The following MYH10 variants were observed in gnomAD, a reference collection of about 807,000 sequenced individuals.
MYH10 encodes myosin-10.
Under a neutral mutation model 257.8 loss-of-function variants are expected in MYH10, and 55 were observed. The observed-to-expected ratio is 0.21, with a 90% CI of 0.17 to 0.27. The LOEUF is 0.27. Ranked by LOEUF, MYH10 falls within the 10% of genes least tolerant of loss-of-function variation. The probability of loss-of-function intolerance (pLI) is 1.00; values close to 1 mark genes in which losing one functional copy is unlikely to be tolerated. For synonymous variants in MYH10, 854 were observed against 921.7 expected, an observed-to-expected ratio of 0.93 and a Z score of 1.33; for missense variants, 1,631 against 2,500.6, an observed-to-expected ratio of 0.65 and a Z score of 7.42.
At position 8,475,784 on chromosome 17, in the gene MYH10, T is replaced by A. The variant is rs760384598; in HGVS notation, c.*20A>T. 2.4e-5 allele frequency: 39 copies of A among 1,612,312 alleles called. No homozygotes were observed. The South Asian group carries it at 4.2e-4, about 17-fold the overall frequency. On this transcript the variant is annotated 3_prime_UTR_variant, in exon 43 of 43. Transcript: ENST00000360416. ...TTCCTAACTGTCCCACTGTATTGCC[T>A]CCTCTGGCTTCCTGCAACTTTACTC...
chr17:8,522,431 A>G (rs766976714), intron 17 of MYH10, among the ~76,000 whole-genome samples: 2 of 152,222 alleles, frequency 1.3e-5, no homozygotes, highest in Non-Finnish European at 2.9e-5. Flanking sequence ...TTTAATTTCC[A>G]GGCCCATGCA....
intron 34 of MYH10, among the ~76,000 whole-genome samples, chr17:8,491,550 TTTCAAAGCAGATGCAGTA>T (rs1915778963): frequency 6.6e-6 from 1 of 152,208 alleles, no homozygotes; most frequent in Non-Finnish European, 1.5e-5. Context: ...TTTGTGTGCT[TTTCAAAGCAGATGCAGTA>T]ACTTCATGAA....
intron 1 of MYH10, among the ~76,000 whole-genome samples, chr17:8,626,648 C>A: frequency 6.7e-6 from 1 of 149,544 alleles, no homozygotes; most frequent in East Asian, 2.0e-4. Context: ...AGAAAGGAGG[C>A]ATGGCTTCAA....
At chr17:8,568,379 C>A (rs1351370861) in intron 7 of MYH10, among the ~76,000 whole-genome samples, 1 of 152,124 alleles carries the variant, frequency 6.6e-6, no homozygotes, top group Non-Finnish European at 1.5e-5. Context: ...CTTGTGTTTG[C>A]TGGGTCCTCT....
chr17:8,607,657 G>C (rs2084862799), intron 2 of MYH10, among the ~76,000 whole-genome samples: 1 of 152,174 alleles, frequency 6.6e-6, no homozygotes, highest in Non-Finnish European at 1.5e-5. Flanking sequence ...TGGTAGGAAG[G>C]CAATATGTTG....
chr17:8,600,339 T>C (rs1245506404), intron 3 of MYH10, among the ~76,000 whole-genome samples: 1 of 152,082 alleles, frequency 6.6e-6, no homozygotes, highest in African/African-American at 2.4e-5. Context: ...AAACAAGTAA[T>C]GGGCTGGGGA....
intron 30 of MYH10, among the ~76,000 whole-genome samples, chr17:8,496,156 A>G (rs1466526689): frequency 6.6e-6 from 1 of 152,230 alleles, no homozygotes; most frequent in East Asian, 1.9e-4. Flanking sequence ...TCTTTGTGGT[A>G]TAAGATGCTT....
chr17:8,518,474 A>C (rs1018323596), intron 21 of MYH10, among the ~76,000 whole-genome samples, 157 bp downstream of exon 21: 7 of 152,090 alleles, frequency 4.6e-5, no homozygotes, highest in Non-Finnish European at 1.0e-4. Context: ...ATTACTTAGA[A>C]TGTTCATGTA....
At chr17:8,533,808 G>C (rs1284967019) in intron 16 of MYH10, among the ~76,000 whole-genome samples, 1 of 152,146 alleles carries the variant, frequency 6.6e-6, no homozygotes, top group African/African-American at 2.4e-5. Flanking sequence ...TCCTTCTGCT[G>C]TGTTCTAAGA....
At chr17:8,625,019 T>C (rs1201735004) in intron 1 of MYH10, among the ~76,000 whole-genome samples, 1 of 152,106 alleles carries the variant, frequency 6.6e-6, no homozygotes, top group African/African-American at 2.4e-5. Context: ...GAGGCCGAGA[T>C]GGGTGGATCA....
chr17:8,490,169 A>G lies in MYH10; in HGVS notation c.4884+171T>C. 1.6e-6 allele frequency: 1 copy of G among 606,972 alleles called. No individual in the cohort carries two copies. The highest frequency in any genetic ancestry group is 2.9e-6 in the Non-Finnish European group (1 of 349,958). 37.6% of individuals were successfully genotyped at this position (606,972 alleles called of 1,614,324 possible). A position where few individuals can be genotyped will look rare whatever the true frequency, so the allele number is the denominator to read the frequency against. On this transcript the variant is annotated intron_variant, in intron 35 of 42. Transcript: ENST00000360416. This position sits in a 1 kb window ranked among gnomAD's most constrained non-coding sequence, Gnocchi z 4.1. ...AAATAGTAAGACCTAAACTAATTAC[A>G]ATAAAATTTAAATAATAAAATTCTC...
At chr17:8,482,491 C>T (rs1411397018) in intron 37 of MYH10, among the ~76,000 whole-genome samples, 1 of 152,192 alleles carries the variant, frequency 6.6e-6, no homozygotes, top group African/African-American at 2.4e-5. Context: ...GCCACTGACT[C>T]CAGACAGCTC....
At chr17:8,592,918 G>T in intron 3 of MYH10, among the ~76,000 whole-genome samples, 1 of 57,906 alleles carries the variant, frequency 1.7e-5, no homozygotes, top group African/African-American at 5.1e-5. Context: ...CAAAATGTTG[G>T]TAAATCAAAT....
intron 19 of MYH10, among the ~76,000 whole-genome samples, chr17:8,520,514 A>G (rs541300179): frequency 6.6e-6 from 1 of 152,298 alleles, no homozygotes; most frequent in South Asian, 2.1e-4. Flanking sequence ...ATAAATAAAT[A>G]AAAATAAAAA....
At chr17:8,499,585 G>A (rs909314093) in intron 29 of MYH10, 109 bp from the exon 30 acceptor site, 1 of 900,478 alleles carries the variant, frequency 1.1e-6, no homozygotes. Flanking sequence ...TGAGTCTGTA[G>A]TCAACATCTG....
chr17:8,526,337 C>T (rs1022655139), intron 17 of MYH10, among the ~76,000 whole-genome samples: 2 of 152,170 alleles, frequency 1.3e-5, no homozygotes, highest in African/African-American at 2.4e-5. Flanking sequence ...AAATGGGCGG[C>T]GCGCCTCACT....
At position 8,481,200 on chromosome 17, in the gene MYH10, C is replaced by T. The variant is rs554336668; in HGVS notation, c.5264+122G>A. 1.6e-5 allele frequency: 15 copies of T among 943,668 alleles called. No individual in the cohort carries two copies. The East Asian group carries it at 3.7e-4, about 23-fold the overall frequency. 58.5% of individuals were successfully genotyped at this position (943,668 alleles called of 1,614,324 possible). ...GCACGGGGTACCATGGCTGAGGCAG[C>T]CCAGGCCCAGCGAGGGAGGAGCAAA... On this transcript the variant is annotated intron_variant, in intron 38 of 42. Transcript: ENST00000360416.
intron 7 of MYH10, among the ~76,000 whole-genome samples, chr17:8,558,168 T>C (rs1289393430): frequency 6.6e-6 from 1 of 152,112 alleles, no homozygotes; most frequent in Non-Finnish European, 1.5e-5. Context: ...GGAGAAAAAT[T>C]TTCCCTTCTT....
At position 8,554,618 on chromosome 17, in the gene MYH10, T is replaced by C. The variant is rs567246380; in HGVS notation, c.757-600A>G. ...TTATTTCATCATTCATTTTATAAAG[T>C]TGTCATAACACTGAGTACCCAATCT... On this transcript the variant is annotated intron_variant, in intron 7 of 42. Coordinates refer to ENST00000360416, the MANE Select transcript of MYH10 (RefSeq NM_001256012.3). Among the ~76,000 whole-genome samples, 7 of 152,270 alleles carry C rather than the reference T, an allele frequency of 4.6e-5. No individual in the cohort carries two copies. The South Asian group carries it at 1.4e-3, about 32-fold the overall frequency.
Sources: allele counts gnomAD v4.1 joint callset (sites outside exome capture counted in the v4.1 genomes callset), GRCh38; gene constraint gnomAD v4.1.1; non-coding constraint Gnocchi (gnomAD v3.1); transcripts MANE v1.5; gene names NCBI Gene and HGNC (gene_info 2026-07-23, HGNC 2026-07-21).